Variants in CUL5 observed in about 807,000 individuals in gnomAD.
CUL5 encodes cullin 5.
In CUL5, 26 loss-of-function variants were observed where a neutral mutation model predicts 108.8. The ratio of observed to expected loss-of-function variants is 0.24; its 90% CI spans 0.18 to 0.33. The LOEUF (loss-of-function observed/expected upper bound fraction) is 0.33. Ranked by LOEUF, CUL5 falls within the 10% of genes least tolerant of loss-of-function variation. The pLI is 1.00. For missense variants in CUL5, 524 were observed against 909.2 expected, an observed-to-expected ratio of 0.58 and a Z score of 5.45; for synonymous variants, 334 against 298.0, an observed-to-expected ratio of 1.12 and a Z score of -1.25.
intron 11 of CUL5, among the ~76,000 whole-genome samples, chr11:108,084,565 A>G (rs924535261): frequency 6.6e-6 from 1 of 152,248 alleles, no homozygotes; most frequent in Non-Finnish European, 1.5e-5. Context: ...TTAATGCAAG[A>G]TAACATCATC....
At chr11:108,009,439 C>T (rs1220135544) in intron 1 of CUL5, 67 bp downstream of exon 1, 16 of 1,552,898 alleles carry the variant, frequency 1.0e-5, no homozygotes, top group East Asian at 2.2e-5. Flanking sequence ...GGGAAAGGCA[C>T]GGCTCAGGTT....
intron 1 of CUL5, among the ~76,000 whole-genome samples, chr11:108,015,373 C>G (rs1353540654): frequency 1.3e-5 from 2 of 152,152 alleles, no homozygotes; most frequent in Admixed American, 6.5e-5. Context: ...GGATGTGATA[C>G]GAAGATTTGA....
chr11:108,056,108 A>G (rs983092464), intron 7 of CUL5, among the ~76,000 whole-genome samples: 8 of 152,226 alleles, frequency 5.3e-5, no homozygotes, highest in East Asian at 3.8e-4. Flanking sequence ...AAAACTAGTC[A>G]GTGACAGTAC....
intron 5 of CUL5, among the ~76,000 whole-genome samples, chr11:108,053,849 G>T (rs4754289): frequency 0.98 from 148,247 of 151,974 alleles, 72,390 homozygotes; most frequent in Middle Eastern, 1. Flanking sequence ...TGGCTAATTT[G>T]TTTCTTTTTT....
At chr11:108,052,514 G>T (rs980769528) in intron 4 of CUL5, 146 bp from the exon 5 acceptor site, 1 of 615,652 alleles carries the variant, frequency 1.6e-6, no homozygotes, top group Non-Finnish European at 2.7e-6. Context: ...CACCTGCCTC[G>T]GCCTCCCAAA....
intron 1 of CUL5, among the ~76,000 whole-genome samples, chr11:108,025,777 C>A (rs1340577503): frequency 6.6e-6 from 1 of 152,122 alleles, no homozygotes; most frequent in African/African-American, 2.4e-5. Context: ...CCCAGAGCTC[C>A]CTTGATGCCA....
At chr11:108,079,271 T>C (rs974371202) in intron 11 of CUL5, among the ~76,000 whole-genome samples, 6 of 151,960 alleles carry the variant, frequency 3.9e-5, no homozygotes, top group Non-Finnish European at 7.4e-5. Flanking sequence ...GCCTGGCTAA[T>C]TTTTTTGTAT....
chr11:108,102,323 C>T lies in CUL5; in HGVS notation c.2149-1867C>T, dbSNP rs572283656. On this transcript the variant is annotated intron_variant, in intron 18 of 18. Transcript: ENST00000393094. ...GATTACAGGCGTGAGCCACCATGCC[C>T]GGCCTATTTTTCTATTCTTTTGAGA... Among the ~76,000 whole-genome samples, 7 of 150,388 alleles carry T rather than the reference C, an allele frequency of 4.7e-5. No individual in the cohort carries two copies. The East Asian group carries it at 8.0e-4, about 17-fold the overall frequency.
intron 13 of CUL5, among the ~76,000 whole-genome samples, chr11:108,093,702 A>T (rs1417460409): frequency 1.3e-5 from 2 of 152,152 alleles, no homozygotes; most frequent in East Asian, 1.9e-4. Context: ...TACATTTTTT[A>T]AAAATTTATT....
At position 108,094,720 on chromosome 11, in the gene CUL5, C is replaced by T. The variant is rs538955181; in HGVS notation, c.1568-92C>T. On this transcript the variant is annotated intron_variant, in intron 14 of 18. Coordinates refer to ENST00000393094, the MANE Select transcript of CUL5 (RefSeq NM_003478.6). ...ACACTTTTAACAAAATCTTTATAGT[C>T]TTATTGATTTTTCACCCAAAGTTAC... is the stretch of plus-strand genomic sequence containing the variant. The T allele has an allele frequency of 2.5e-5, 26 of 1,051,356 alleles. No individual in the cohort carries two copies. In the Admixed American group the frequency reaches 3.8e-4, roughly 15 times the overall value. The allele number at this position is 1,051,356 out of a possible 1,614,324, so 65.1% of individuals were successfully genotyped here. A position where few individuals can be genotyped will look rare whatever the true frequency, so the allele number is the denominator to read the frequency against.
At chr11:108,026,159 C>T (rs4568971) in intron 1 of CUL5, among the ~76,000 whole-genome samples, 90,377 of 151,742 alleles carry the variant, frequency 0.6, 28,365 homozygotes, top group East Asian at 0.9. Flanking sequence ...TGCTTCCTTG[C>T]CCCTGTCTTG....
At chr11:108,079,435 A>G (rs1031018531) in intron 11 of CUL5, among the ~76,000 whole-genome samples, 1 of 152,140 alleles carries the variant, frequency 6.6e-6, no homozygotes, top group East Asian at 1.9e-4. Flanking sequence ...AAAATGTTCA[A>G]ACTTACAATA....
chr11:108,067,084 T>A (rs1310742423), intron 7 of CUL5, among the ~76,000 whole-genome samples: 1 of 152,216 alleles, frequency 6.6e-6, no homozygotes, highest in Non-Finnish European at 1.5e-5. Context: ...CAAGACCTTA[T>A]GAACCAACTG....
intron 7 of CUL5, among the ~76,000 whole-genome samples, chr11:108,066,331 G>A (rs1417733965): frequency 2.0e-5 from 3 of 151,802 alleles, no homozygotes; most frequent in South Asian, 2.1e-4. Context: ...GCGACAGAGC[G>A]AGACTCTGTC....
At chr11:108,073,304 G>A (rs948657952) in intron 9 of CUL5, 86 bp from the exon 10 acceptor site, 7 of 651,026 alleles carry the variant, frequency 1.1e-5, no homozygotes, top group Non-Finnish European at 1.6e-5. Flanking sequence ...TTTTAAATGA[G>A]TTTTATTAAA....
intron 1 of CUL5, among the ~76,000 whole-genome samples, chr11:108,011,149 G>C (rs1862048278): frequency 6.6e-6 from 1 of 152,126 alleles, no homozygotes; most frequent in Non-Finnish European, 1.5e-5. Flanking sequence ...TGATTACCTG[G>C]ATATAAAGCA....
intron 1 of CUL5, among the ~76,000 whole-genome samples, chr11:108,027,244 G>A (rs1862473510): frequency 6.6e-6 from 1 of 150,658 alleles, no homozygotes; most frequent in African/African-American, 2.4e-5. Flanking sequence ...CTTAGTAGCT[G>A]GGATTATAGG....
intron 18 of CUL5, among the ~76,000 whole-genome samples, chr11:108,100,590 A>G (rs1166124096): frequency 1.3e-5 from 2 of 152,306 alleles, no homozygotes; most frequent in East Asian, 3.9e-4. Flanking sequence ...CTGTAAGTAT[A>G]GAAGAATTTA....
intron 2 of CUL5, among the ~76,000 whole-genome samples, chr11:108,038,181 T>G (rs1228532790): frequency 6.6e-6 from 1 of 152,138 alleles, no homozygotes; most frequent in Non-Finnish European, 1.5e-5. Context: ...ATTAAACTAT[T>G]TTATGAATGA....
Sources: gnomAD v4.1 joint callset for allele counts (sites outside exome capture counted in the v4.1 genomes callset) on GRCh38, gnomAD v4.1.1 for gene constraint, MANE v1.5 for transcripts, NCBI Gene and HGNC (gene_info 2026-07-23, HGNC 2026-07-21) for gene names.